ASMTL: variants seen among roughly 807,000 people sequenced by gnomAD.
ASMTL encodes acetylserotonin O-methyltransferase like, also known as probable bifunctional dTTP/UTP pyrophosphatase/methyltransferase protein.
In ASMTL, 57 loss-of-function variants were observed where a neutral mutation model predicts 60.3. The ratio of observed to expected loss-of-function variants is 0.95; its 90% CI spans 0.76 to 1.18. The LOEUF is 1.18. ASMTL is among the 50% of genes most tolerant of loss of function. ASMTL has a pLI of 0.00. For synonymous variants in ASMTL, 419 were observed against 373.0 expected (o/e 1.12, Z -1.42); for missense variants, 981 against 852.6 (o/e 1.15, Z -1.88).
At chrX:1,405,525 TGATG>T (rs1270911522) in intron 12 of ASMTL, among the ~76,000 whole-genome samples, 2 of 148,538 alleles carry the variant, frequency 1.3e-5, no homozygotes, top group African/African-American at 5.0e-5. Flanking sequence ...GGTGTATAGA[TGATG>T]GGTAGGTAGG....
At chrX:1,420,165 ATC>A (rs1444996552) in intron 9 of ASMTL, among the ~76,000 whole-genome samples, 8 of 150,712 alleles carry the variant, frequency 5.3e-5, no homozygotes, top group African/African-American at 2.0e-4. Context: ...CTGTCTCCCT[ATC>A]TCTGTCTCCG....
chrX:1,407,548 GATGGATAGATAATAA>G (rs1166676657), intron 12 of ASMTL, among the ~76,000 whole-genome samples: 25 of 152,142 alleles, frequency 1.6e-4, no homozygotes, highest in African/African-American at 6.0e-4. Context: ...ATGATGGATG[GATGGATAGATAATAA>G]ATGATAGACA....
At chrX:1,448,808 C>G (rs1489700072) in intron 1 of ASMTL, among the ~76,000 whole-genome samples, 1 of 152,110 alleles carries the variant, frequency 6.6e-6, no homozygotes, top group East Asian at 1.9e-4. Context: ...GCACCACCAT[C>G]TTGGACAAGC....
At position 1,444,319 on chromosome X, in the gene ASMTL, C is replaced by T. The variant is rs1320698111; in HGVS notation, c.94-2002G>A. Among the ~76,000 whole-genome samples, 15 of 151,758 alleles carry T rather than the reference C, an allele frequency of 9.9e-5. 1 individual carries two copies. The highest frequency in any genetic ancestry group is 5.9e-4 in the Admixed American group (9 of 15,226). On this transcript the variant is annotated intron_variant, in intron 1 of 12. Transcript: ENST00000381317. ...CATCTCCCAGGATCAAGCGATTCTC[C>T]TGCCTCAGTCTCCCGAGTAGCTGGG...
At chrX:1,404,605 G>C (rs1275772489) in intron 12 of ASMTL, among the ~76,000 whole-genome samples, 2 of 151,100 alleles carry the variant, frequency 1.3e-5, no homozygotes, top group Non-Finnish European at 2.9e-5. Flanking sequence ...GATAGATGAT[G>C]GGTAGGTAGG....
chrX:1,453,473 G>T (rs1419082112), upstream of ASMTL: 1 of 158,986 alleles, frequency 6.3e-6, no homozygotes, highest in African/African-American at 2.4e-5. Context: ...GCCAAGACCT[G>T]CAATGGCGCA....
intron 3 of ASMTL, among the ~76,000 whole-genome samples, chrX:1,437,588 A>G (rs1389255835): frequency 5.3e-5 from 8 of 152,076 alleles, no homozygotes; most frequent in Admixed American, 1.3e-4. Flanking sequence ...AATACCATAG[A>G]CTGGGTGGCT....
rs757372548 is a variant in ASMTL at position 1,425,652 on chromosome X, A to G, written c.933T>C (p.Asp311=). The part of the protein sequence containing the change: ...LLTACKLKVF[D]LLKDEAPQKA... ...TCTGGGGTGCTTCATCTTTTAACAAATCGAACACCTTCAGTTTGCAAGCGG... is the reference window on the plus strand; with the variant it reads ...TCTGGGGTGCTTCATCTTTTAACAAGTCGAACACCTTCAGTTTGCAAGCGG... Residue 311 remains aspartate (D), a synonymous_variant, in exon 8 of 13, where the codon GAT becomes GAC. Coordinates refer to ENST00000381317, the MANE Select transcript of ASMTL (RefSeq NM_004192.4). 6.2e-7 allele frequency: 1 copy of G among 1,613,732 alleles called. No individual in the cohort carries two copies. The highest frequency in any genetic ancestry group is 1.1e-5 in the South Asian group (1 of 91,062).
At chrX:1,429,096 T>G (rs1400883832) in intron 6 of ASMTL, among the ~76,000 whole-genome samples, 2 of 151,802 alleles carry the variant, frequency 1.3e-5, no homozygotes, top group African/African-American at 4.8e-5. Context: ...GGTTTCACCA[T>G]GTTGGCCACG....
At chrX:1,417,404 A>T (rs779763327) in intron 11 of ASMTL, among the ~76,000 whole-genome samples, 1 of 22,206 alleles carries the variant, frequency 4.5e-5, no homozygotes, top group African/African-American at 5.5e-5. Flanking sequence ...ACTTGCAGAC[A>T]CGTGGACACA....
intron 4 of ASMTL, 54 bp from the exon 5 acceptor site, chrX:1,435,137 C>CA: frequency 6.3e-7 from 1 of 1,595,714 alleles, no homozygotes; most frequent in South Asian, 1.1e-5. Flanking sequence ...GTGGGAGCTA[C>CA]AAAGCGAGTT....
At chrX:1,417,761 C>CACA (rs372909859) in intron 11 of ASMTL, among the ~76,000 whole-genome samples, 1 of 960 alleles carries the variant, frequency 1.0e-3, no homozygotes, top group African/African-American at 1.4e-3. Flanking sequence ...CAGACATGCT[C>CACA]CATGTCACAG....
chrX:1,443,878 G>A (rs111976489), intron 1 of ASMTL, among the ~76,000 whole-genome samples: 68 of 137,734 alleles, frequency 4.9e-4, no homozygotes, highest in African/African-American at 1.7e-3. Context: ...AGACACCGCC[G>A]TCGTGGACAG....
intron 8 of ASMTL, among the ~76,000 whole-genome samples, chrX:1,422,089 A>G (rs2090498526): frequency 6.6e-6 from 1 of 152,146 alleles, no homozygotes; most frequent in South Asian, 2.1e-4. Flanking sequence ...ACCACGCCCC[A>G]GCTGTCAACT....
rs1376013850 is a variant in ASMTL at position 1,432,396 on chromosome X, G to A, written c.401-19C>T. On this transcript the variant is annotated intron_variant, in intron 5 of 12. Transcript: ENST00000381317. Reference sequence around the variant, plus strand: ...TGATGGTCTGCAAGGACACAGCCGTGGGGGTGAGCGTGGACGCCAGCTTGT... The same window carrying A: ...TGATGGTCTGCAAGGACACAGCCGTAGGGGTGAGCGTGGACGCCAGCTTGT... The A allele has an allele frequency of 1.3e-6, 2 of 1,599,966 alleles. No homozygotes were observed. The highest frequency in any genetic ancestry group is 1.7e-5 in the Admixed American group (1 of 59,476).
chrX:1,415,143 G>A (rs1418680902), intron 11 of ASMTL, among the ~76,000 whole-genome samples: 1 of 150,598 alleles, frequency 6.6e-6, no homozygotes, highest in East Asian at 2.0e-4. Context: ...GTTTCACCAT[G>A]TTGCTCTGGC....
chrX:1,416,016 C>T (rs2090234775), intron 11 of ASMTL, among the ~76,000 whole-genome samples: 1 of 147,030 alleles, frequency 6.8e-6, no homozygotes. Context: ...CAGGCACACA[C>T]ACACACACGG....
At chrX:1,432,705 T>C (rs1372032257) in intron 5 of ASMTL, among the ~76,000 whole-genome samples, 1 of 151,962 alleles carries the variant, frequency 6.6e-6, no homozygotes, top group African/African-American at 2.4e-5. Context: ...AGTAGGTGCC[T>C]GTAGTCCCAG....
At chrX:1,446,166 G>A (rs1480247921) in intron 1 of ASMTL, among the ~76,000 whole-genome samples, 1 of 152,160 alleles carries the variant, frequency 6.6e-6, no homozygotes, top group African/African-American at 2.4e-5. Flanking sequence ...AATGGCGTAA[G>A]CTGTTTCTCT....
Sources: allele counts gnomAD v4.1 joint callset (sites outside exome capture counted in the v4.1 genomes callset), GRCh38; gene constraint gnomAD v4.1.1; transcripts MANE v1.5; gene names NCBI Gene and HGNC (gene_info 2026-07-23, HGNC 2026-07-21).